CWC15: variants seen among roughly 807,000 people sequenced by gnomAD.
The protein encoded by CWC15 is CWC15 spliceosome associated protein.
In CWC15, 12 loss-of-function variants were observed where a neutral mutation model predicts 28.4. That is an observed-to-expected ratio of 0.42 (90% CI 0.27 to 0.69). CWC15 has a LOEUF of 0.69. Ranked by LOEUF, CWC15 falls within the 30% of genes least tolerant of loss-of-function variation. CWC15 has a pLI of 0.23. For missense variants in CWC15, 192 were observed against 271.5 expected, an observed-to-expected ratio of 0.71 and a Z score of 2.06; for synonymous variants, 92 against 88.4, an observed-to-expected ratio of 1.04 and a Z score of -0.23.
In CWC15 at chr11:94,971,057, T is replaced by A. The variant is rs1269140454; in HGVS notation, c.253A>T (p.Thr85Ser). 6.2e-7 allele frequency: 1 copy of A among 1,613,072 alleles called. No homozygotes were observed. The highest frequency in any genetic ancestry group is 1.3e-5 in the African/African-American group (1 of 74,808). The change falls in exon 4 of 7, where the codon ACC becomes TCC. Residue 85 changes from threonine to serine, a missense_variant. Physicochemically the swap from Thr to Ser is moderately conservative, Grantham distance 58. Transcript: ENST00000279839. ...NRDRPTREHT[T>S]SSSVSKKPRL... ...GGCTTTTTTGACACTGAAGAGGAGG[T>A]TGTATGTTCTGGGGGGAAACAAAAA...
intron 1 of CWC15, among the ~76,000 whole-genome samples, chr11:94,972,880 C>T (rs1271002017): frequency 6.6e-6 from 1 of 152,128 alleles, no homozygotes; most frequent in Non-Finnish European, 1.5e-5. Context: ...AAAACAGGAA[C>T]CTCACCCCCA....
At chr11:94,971,606 G>A in intron 2 of CWC15, 119 bp from the exon 3 acceptor site, 3 of 618,606 alleles carry the variant, frequency 4.8e-6, no homozygotes, top group Non-Finnish European at 5.6e-6. Flanking sequence ...GCAGAAAAAA[G>A]GGAAGTAGAC....
In CWC15 at chr11:94,970,103, G is replaced by C. The variant is rs1555095944; in HGVS notation, c.334-7C>G. ...CAAAATCTTCATCTTCCTCCTAAAA[G>C]AACAGTGAGAGCCCAGAAGATTGGA... On this transcript the variant is annotated splice_region_variant and splice_polypyrimidine_tract_variant and intron_variant, in intron 4 of 6. Transcript: ENST00000279839. 5 of 1,386,424 alleles carry C rather than the reference G, an allele frequency of 3.6e-6. No individual in the cohort carries two copies. The highest frequency in any genetic ancestry group is 1.4e-5 in the African/African-American group (1 of 69,644). The allele number at this position is 1,386,424 out of a possible 1,614,324, so 85.9% of individuals were successfully genotyped here. A position where few individuals can be genotyped will look rare whatever the true frequency, so the allele number is the denominator to read the frequency against.
At chr11:94,966,775 T>A (rs1857651489) in intron 5 of CWC15, among the ~76,000 whole-genome samples, 1 of 152,100 alleles carries the variant, frequency 6.6e-6, no homozygotes, top group South Asian at 2.1e-4. Context: ...CATATTCTAA[T>A]AATTTAAGAA....
chr11:94,966,528 A>G (rs1857646514), intron 5 of CWC15, 115 bp from the exon 6 acceptor site: 1 of 572,118 alleles, frequency 1.7e-6, no homozygotes, highest in Admixed American at 3.8e-5. Context: ...TTATGGCAAC[A>G]AAAGCATCAA....
chr11:94,972,993 T>A (rs868967120), intron 1 of CWC15, among the ~76,000 whole-genome samples: 1 of 144,368 alleles, frequency 6.9e-6, no homozygotes, highest in Non-Finnish European at 1.5e-5. Context: ...TAAAACCCTG[T>A]TAGTGTCGGA....
intron 2 of CWC15, 114 bp from the exon 3 acceptor site, chr11:94,971,601 A>G (rs1857723320): frequency 1.6e-6 from 1 of 637,412 alleles, no homozygotes; most frequent in South Asian, 2.2e-5. Context: ...TTCAAGCAGA[A>G]AAAAGGGAAG....
At chr11:94,964,150 T>C (rs1857608087) in intron 6 of CWC15, among the ~76,000 whole-genome samples, 1 of 152,140 alleles carries the variant, frequency 6.6e-6, no homozygotes, top group Non-Finnish European at 1.5e-5. Flanking sequence ...ATAAATAAGT[T>C]ATAAAATACA....
intron 5 of CWC15, among the ~76,000 whole-genome samples, chr11:94,969,682 A>C (rs1857692032): frequency 6.6e-6 from 1 of 152,176 alleles, no homozygotes; most frequent in Admixed American, 6.5e-5. Context: ...CTATATCTTG[A>C]TCATCTTTGA....
At chr11:94,970,407 T>G (rs960797590) in intron 4 of CWC15, 6 of 203,412 alleles carry the variant, frequency 2.9e-5, no homozygotes, top group Non-Finnish European at 5.9e-5. Context: ...TATTACTCAT[T>G]GGATGCCACT....
At chr11:94,965,526 G>C (rs1745627784) in intron 6 of CWC15, among the ~76,000 whole-genome samples, 1 of 152,118 alleles carries the variant, frequency 6.6e-6, no homozygotes, top group Non-Finnish European at 1.5e-5. Context: ...CTGGCCCCTG[G>C]CTGGCATTTG....
intron 6 of CWC15, 69 bp downstream of exon 6, chr11:94,966,226 T>C (rs58678249): frequency 0.011 from 7,627 of 670,662 alleles, 145 homozygotes; most frequent in African/African-American, 0.048. Flanking sequence ...CATACACATA[T>C]ACACACACAC....
intron 2 of CWC15, 62 bp from the exon 3 acceptor site, chr11:94,971,549 G>C (rs996071522): frequency 9.5e-5 from 74 of 779,696 alleles, no homozygotes; most frequent in Non-Finnish European, 1.3e-4. Context: ...CACACACAGA[G>C]ACTGTAGTAA....
At chr11:94,972,815 GCAT>G (rs1463398327) in intron 1 of CWC15, among the ~76,000 whole-genome samples, 1 of 152,054 alleles carries the variant, frequency 6.6e-6, no homozygotes, top group Non-Finnish European at 1.5e-5. Context: ...CCTACAACAG[GCAT>G]CATACTATAA....
intron 5 of CWC15, 54 bp downstream of exon 5, chr11:94,969,935 C>T (rs1425864959): frequency 8.5e-7 from 1 of 1,177,932 alleles, no homozygotes; most frequent in East Asian, 2.9e-5. Context: ...AAAAAAATTT[C>T]TACCTTAGTG....
At chr11:94,973,123 T>G (rs1308866372) in intron 1 of CWC15, 1 of 152,168 alleles carries the variant, frequency 6.6e-6, no homozygotes, top group Non-Finnish European at 1.5e-5. Flanking sequence ...AACAGGGTTA[T>G]CTGGCGCTGG....
chr11:94,969,681 G>C (rs997811541), intron 5 of CWC15, among the ~76,000 whole-genome samples: 2 of 152,132 alleles, frequency 1.3e-5, no homozygotes, highest in Non-Finnish European at 2.9e-5. Flanking sequence ...ACTATATCTT[G>C]ATCATCTTTG....
At chr11:94,967,071 G>A (rs1175816421) in intron 5 of CWC15, among the ~76,000 whole-genome samples, 11 of 137,406 alleles carry the variant, frequency 8.0e-5, no homozygotes, top group African/African-American at 1.6e-4. Flanking sequence ...TTTTTGAGAC[G>A]GAGTCTCACT....
At chr11:94,973,097 T>C (rs1469222627) in intron 1 of CWC15, among the ~76,000 whole-genome samples, 1 of 151,020 alleles carries the variant, frequency 6.6e-6, no homozygotes, top group African/African-American at 2.4e-5. Flanking sequence ...GGTAGAGACA[T>C]GTATACAAAG....
Sources: gnomAD v4.1 joint callset for allele counts (sites outside exome capture counted in the v4.1 genomes callset) on GRCh38, gnomAD v4.1.1 for gene constraint, MANE v1.5 for transcripts, NCBI Gene and HGNC (gene_info 2026-07-23, HGNC 2026-07-21) for gene names.